GRIK4: variants seen among roughly 807,000 people sequenced by gnomAD.
GRIK4 encodes glutamate ionotropic receptor kainate type subunit 4.
In GRIK4, 40 loss-of-function variants were observed where a neutral mutation model predicts 104.9. The ratio of observed to expected loss-of-function variants is 0.38; its 90% CI spans 0.30 to 0.50. The LOEUF (loss-of-function observed/expected upper bound fraction) is 0.50, where lower values mean the gene tolerates loss of function less well. Ranked by LOEUF, GRIK4 falls within the 20% of genes least tolerant of loss-of-function variation. GRIK4 has a pLI of 0.93. For synonymous variants in GRIK4, 485 were observed against 524.9 expected, an observed-to-expected ratio of 0.92 and a Z score of 1.04; for missense variants, 1,047 against 1,308.1, an observed-to-expected ratio of 0.80 and a Z score of 3.08.
chr11:120,599,920 G>T (rs1025985633), intron 1 of GRIK4, among the ~76,000 whole-genome samples: 4 of 152,230 alleles, frequency 2.6e-5, no homozygotes, highest in Non-Finnish European at 5.9e-5. Flanking sequence ...AAGGCTTTTG[G>T]TGTCTCTTGC....
intron 8 of GRIK4, among the ~76,000 whole-genome samples, chr11:120,855,118 T>C (rs1954069204): frequency 1.3e-5 from 2 of 152,136 alleles, no homozygotes; most frequent in African/African-American, 4.8e-5. Context: ...GGGGAAGCAT[T>C]TGAGGCTCAA....
At chr11:120,775,044 C>G (rs1952014189) in intron 3 of GRIK4, among the ~76,000 whole-genome samples, 1 of 152,162 alleles carries the variant, frequency 6.6e-6, no homozygotes. Flanking sequence ...CTTCCCTTCC[C>G]CTCCTCTGCC....
chr11:120,633,957 GGA>G (rs972387111), intron 1 of GRIK4, among the ~76,000 whole-genome samples: 15 of 152,290 alleles, frequency 9.8e-5, no homozygotes, highest in African/African-American at 3.6e-4. Context: ...GGGCTCTTGG[GGA>G]GAGAGAGCAC....
At chr11:120,621,813 A>G (rs7102405) in intron 1 of GRIK4, among the ~76,000 whole-genome samples, 178 of 152,344 alleles carry the variant, frequency 1.2e-3, no homozygotes, top group African/African-American at 3.8e-3. Flanking sequence ...CAGCGGCAGT[A>G]CAAGGGGGTC....
At chr11:120,592,809 T>G (rs1316265252) in intron 1 of GRIK4, among the ~76,000 whole-genome samples, 6 of 152,138 alleles carry the variant, frequency 3.9e-5, no homozygotes, top group Middle Eastern at 3.2e-3. Flanking sequence ...CATGTCTGCC[T>G]CCCAGCCCCT....
intron 13 of GRIK4, among the ~76,000 whole-genome samples, chr11:120,908,460 C>G (rs11218055): frequency 0.025 from 3,692 of 150,656 alleles, 148 homozygotes; most frequent in African/African-American, 0.081. Flanking sequence ...CACACACACA[C>G]AGAGAGATTG....
chr11:120,982,372 G>T, intron 20 of GRIK4, 148 bp downstream of exon 20: 1 of 640,922 alleles, frequency 1.6e-6, no homozygotes, highest in Non-Finnish European at 2.8e-6. Flanking sequence ...TTGGATCAAT[G>T]CTTCATTACT....
intron 1 of GRIK4, among the ~76,000 whole-genome samples, chr11:120,551,717 G>T (rs1948142186): frequency 6.6e-6 from 1 of 151,610 alleles, no homozygotes; most frequent in Non-Finnish European, 1.5e-5. Context: ...GGAGGCAGAG[G>T]TTGCAGTGAG....
intron 13 of GRIK4, among the ~76,000 whole-genome samples, chr11:120,928,990 C>CGT (rs1565445073): frequency 3.3e-4 from 38 of 116,074 alleles, no homozygotes; most frequent in African/African-American, 1.2e-3. Flanking sequence ...TGTGTGTGTG[C>CGT]GCGCGTGCAC....
At chr11:120,785,212 T>C (rs928084991) in intron 3 of GRIK4, among the ~76,000 whole-genome samples, 1 of 152,188 alleles carries the variant, frequency 6.6e-6, no homozygotes, top group Non-Finnish European at 1.5e-5. Context: ...GCCATGAGAC[T>C]GGATATCCCG....
At chr11:120,877,881 C>G (rs1210447968) in intron 11 of GRIK4, among the ~76,000 whole-genome samples, 1 of 152,146 alleles carries the variant, frequency 6.6e-6, no homozygotes, top group Non-Finnish European at 1.5e-5. Context: ...GGAAAGAGCC[C>G]ACTTCCAGCA....
rs1212200920 is a variant in GRIK4, at chr11:120,566,582, G to A, written c.-159+54695G>A. Among the ~76,000 whole-genome samples the A allele has an allele frequency of 3.3e-5, 5 of 152,290 alleles. No homozygotes were observed. In the East Asian group the frequency reaches 9.6e-4, roughly 29 times the overall value. ...AAACCCTTTTTTGTCTTGAGGTTCA[G>A]TTTTCTGAGTGGGTAGTACAATAAA... On this transcript the variant is annotated intron_variant, in intron 1 of 20. Coordinates refer to ENST00000527524, the MANE Select transcript of GRIK4 (RefSeq NM_014619.5).
chr11:120,951,995 T>A (rs535983473), intron 14 of GRIK4, among the ~76,000 whole-genome samples: 1 of 152,082 alleles, frequency 6.6e-6, no homozygotes, highest in East Asian at 1.9e-4. Flanking sequence ...CAGAAAGGGG[T>A]GGGAACTTGC....
intron 3 of GRIK4, among the ~76,000 whole-genome samples, chr11:120,742,428 A>C (rs905622866): frequency 5.9e-5 from 9 of 152,136 alleles, no homozygotes; most frequent in Admixed American, 6.5e-5. Flanking sequence ...TATGAAAAAA[A>C]AAGCTCAATA....
intron 6 of GRIK4, among the ~76,000 whole-genome samples, chr11:120,821,102 G>A (rs1393539261): frequency 6.6e-6 from 1 of 152,168 alleles, no homozygotes; most frequent in Non-Finnish European, 1.5e-5. Flanking sequence ...TCAAATACAG[G>A]CCTCCTCACT....
At chr11:120,796,891 G>A (rs1324259423) in intron 3 of GRIK4, among the ~76,000 whole-genome samples, 1 of 151,968 alleles carries the variant, frequency 6.6e-6, no homozygotes, top group Non-Finnish European at 1.5e-5. Flanking sequence ...GCGCTGCAGG[G>A]GGGAGGAGTC....
intron 3 of GRIK4, among the ~76,000 whole-genome samples, chr11:120,673,548 T>G (rs1478694969): frequency 1.3e-5 from 2 of 152,236 alleles, no homozygotes. Context: ...GTTTTGACTG[T>G]TGGTCTTACC....
At chr11:120,895,904 G>C (rs1480596924) in intron 11 of GRIK4, among the ~76,000 whole-genome samples, 1 of 152,202 alleles carries the variant, frequency 6.6e-6, no homozygotes. Context: ...CAGAGAGGAG[G>C]AGGAAGGGGA....
Position 120,986,448 on chromosome 11 carries a change from AG to A in GRIK4, c.*191del, listed in dbSNP as rs376338888. Reference sequence around the variant, plus strand: ...CAGAGACCGCGCCCGGTCAGGGAGCAGGGTCCACCCGGAAACGTTGCACCCA... The same window carrying A: ...CAGAGACCGCGCCCGGTCAGGGAGCAGGTCCACCCGGAAACGTTGCACCCA... On this transcript the variant is annotated 3_prime_UTR_variant, in exon 21 of 21. Coordinates refer to ENST00000527524, the MANE Select transcript of GRIK4 (RefSeq NM_014619.5). 6 of 786,748 alleles carry A rather than the reference AG, an allele frequency of 7.6e-6. No homozygotes were observed. Among genetic ancestry groups the A allele is most frequent in the African/African-American group, 7.4e-5 (4 of 53,930 alleles). The allele number at this position is 786,748 out of a possible 1,614,324, so 48.7% of individuals were successfully genotyped here.
Sources: allele counts gnomAD v4.1 joint callset (sites outside exome capture counted in the v4.1 genomes callset), GRCh38; gene constraint gnomAD v4.1.1; transcripts MANE v1.5; gene names NCBI Gene and HGNC (gene_info 2026-07-23, HGNC 2026-07-21).